TMEM132C: variants seen among roughly 807,000 people sequenced by gnomAD.
The protein encoded by TMEM132C is transmembrane protein 132C.
A neutral mutation model predicts 61.4 loss-of-function variants in TMEM132C; 29 were observed. The observed-to-expected ratio is 0.47, with a 90% CI of 0.35 to 0.64. The LOEUF is 0.64. Ranked by LOEUF, TMEM132C falls within the 30% of genes least tolerant of loss-of-function variation. The pLI is 0.00. For synonymous variants in TMEM132C, 656 were observed against 633.1 expected (o/e 1.04, Z -0.54); for missense variants, 1,408 against 1,476.9 (o/e 0.95, Z 0.76).
At chr12:128,324,307 C>A (rs755402171) in intron 1 of TMEM132C, among the ~76,000 whole-genome samples, 1 of 152,134 alleles carries the variant, frequency 6.6e-6, no homozygotes, top group Non-Finnish European at 1.5e-5. Flanking sequence ...GTATGACATG[C>A]AAACCACTAG....
At chr12:128,566,167 G>A (rs562053778) in intron 3 of TMEM132C, among the ~76,000 whole-genome samples, 2 of 135,300 alleles carry the variant, frequency 1.5e-5, no homozygotes, top group South Asian at 4.6e-4. Context: ...TAGGATTATA[G>A]GCATGAGACA....
intron 2 of TMEM132C, among the ~76,000 whole-genome samples, chr12:128,472,719 C>T (rs1475041351): frequency 2.6e-5 from 4 of 152,212 alleles, no homozygotes; most frequent in Non-Finnish European, 5.9e-5. Flanking sequence ...GGACCTCAAA[C>T]ATCTGGGGGT....
Position 128,544,108 on chromosome 12 carries a change from G to A in TMEM132C, c.1121+5G>A. 6.6e-7 allele frequency: 1 copy of A among 1,522,820 alleles called. No individual in the cohort carries two copies. Among genetic ancestry groups the A allele is most frequent in the Non-Finnish European group, 8.8e-7 (1 of 1,133,064 alleles). The allele number at this position is 1,522,820 out of a possible 1,614,324, so 94.3% of individuals were successfully genotyped here. ...GGGGCCCAGCCCACGCAACAGGTAAGCGGTGCCCTCCCTGCAAGCGTGTGT... is the reference window on the plus strand; with the variant it reads ...GGGGCCCAGCCCACGCAACAGGTAAACGGTGCCCTCCCTGCAAGCGTGTGT... On this transcript the variant is annotated splice_donor_5th_base_variant and intron_variant, in intron 3 of 8. Coordinates refer to ENST00000435159, the MANE Select transcript of TMEM132C (RefSeq NM_001136103.3).
chr12:128,381,985 A>G (rs1273044363), intron 1 of TMEM132C, among the ~76,000 whole-genome samples: 2 of 151,658 alleles, frequency 1.3e-5, no homozygotes, highest in Non-Finnish European at 2.9e-5. Context: ...GTCCCGTTGA[A>G]GACCCTTCGC....
At chr12:128,344,523 A>G (rs1873088092) in intron 1 of TMEM132C, among the ~76,000 whole-genome samples, 1 of 152,154 alleles carries the variant, frequency 6.6e-6, no homozygotes, top group East Asian at 1.9e-4. Flanking sequence ...AGGTAACTCC[A>G]TCTTTAACAT....
At chr12:128,649,523 A>T (rs1279719450) in intron 4 of TMEM132C, among the ~76,000 whole-genome samples, 1 of 152,180 alleles carries the variant, frequency 6.6e-6, no homozygotes, top group Non-Finnish European at 1.5e-5. Context: ...GGCCACTTTC[A>T]CCTCTTTCAT....
chr12:128,330,559 A>G (rs1872642850), intron 1 of TMEM132C, among the ~76,000 whole-genome samples: 1 of 152,296 alleles, frequency 6.6e-6, no homozygotes, highest in East Asian at 1.9e-4. Context: ...TCTCTAAAAA[A>G]TGTTTTTAAA....
rs1167773533 is a variant in TMEM132C at position 128,630,861 on chromosome 12, A to T, written c.1305+14526A>T. ...CATCCTGGCCAACAGGGTGAAACCCATCTCTACTAAAAATACAAAAATTAG... is the reference window on the plus strand; with the variant it reads ...CATCCTGGCCAACAGGGTGAAACCCTTCTCTACTAAAAATACAAAAATTAG... On this transcript the variant is annotated intron_variant, in intron 4 of 8. Transcript: ENST00000435159. This position sits in a 1 kb window ranked among gnomAD's most constrained non-coding sequence, Gnocchi z 4.3. Among the ~76,000 whole-genome samples the T allele has an allele frequency of 6.6e-6, 1 of 152,180 alleles. No homozygotes were observed. Among genetic ancestry groups the T allele is most frequent in the African/African-American group, 2.4e-5 (1 of 41,440 alleles).
At chr12:128,383,417 G>A (rs977553631) in intron 1 of TMEM132C, among the ~76,000 whole-genome samples, 9 of 152,176 alleles carry the variant, frequency 5.9e-5, no homozygotes, top group African/African-American at 1.9e-4. Flanking sequence ...TAAGGAGCTC[G>A]CAGCCGTGCT....
At chr12:128,429,067 G>C (rs1333437360) in intron 2 of TMEM132C, among the ~76,000 whole-genome samples, 2 of 152,204 alleles carry the variant, frequency 1.3e-5, no homozygotes, top group African/African-American at 4.8e-5. Context: ...CTCTGTAGCA[G>C]CATCTACCTT....
At chr12:128,640,105 G>T (rs1246745625) in intron 4 of TMEM132C, among the ~76,000 whole-genome samples, 1 of 152,140 alleles carries the variant, frequency 6.6e-6, no homozygotes, top group African/African-American at 2.4e-5. Flanking sequence ...GTGGGCTGGG[G>T]TTTACAATAA....
At position 128,697,405 on chromosome 12, in the gene TMEM132C, C is replaced by T. The variant is rs1454500951; in HGVS notation, c.2111C>T (p.Thr704Ile). Residue 704 changes from threonine (T) to isoleucine (I), a missense_variant, in exon 8 of 9, where the codon ACC becomes ATC. Coordinates refer to ENST00000435159, the MANE Select transcript of TMEM132C (RefSeq NM_001136103.3). ...AVVTAEEVLRTPKQEAVFSTW... is the reference protein window; with the variant it reads ...AVVTAEEVLRIPKQEAVFSTW... ...GTCACAGCTGAGGAGGTGCTGCGGA[C>T]CCCCAAACAGGTAGGGGGCCAAATG... 2 of 1,536,800 alleles carry T rather than the reference C, an allele frequency of 1.3e-6. No homozygotes were observed. The highest frequency in any genetic ancestry group is 2.5e-5 in the East Asian group (1 of 40,560).
chr12:128,392,437 A>G (rs1874797949), intron 1 of TMEM132C, among the ~76,000 whole-genome samples: 1 of 152,064 alleles, frequency 6.6e-6, no homozygotes, highest in Admixed American at 6.6e-5. Context: ...ATGGAGGAGC[A>G]CAGTGTGGTT....
At chr12:128,269,031 A>G (rs1314935863) in intron 1 of TMEM132C, among the ~76,000 whole-genome samples, 5 of 151,664 alleles carry the variant, frequency 3.3e-5, no homozygotes, top group Admixed American at 1.3e-4. Context: ...TATTTGAAAG[A>G]GTCAACAGTC....
At chr12:128,609,937 C>A (rs182531917) in intron 3 of TMEM132C, among the ~76,000 whole-genome samples, 19 of 152,340 alleles carry the variant, frequency 1.2e-4, no homozygotes, top group Non-Finnish European at 2.2e-4. Context: ...ATGCCTATTT[C>A]TCCAGTCAGC....
chr12:128,276,795 T>C (rs1870705603), intron 1 of TMEM132C, among the ~76,000 whole-genome samples: 1 of 152,168 alleles, frequency 6.6e-6, no homozygotes, highest in Admixed American at 6.5e-5. Context: ...TAGCAAGTCT[T>C]TGAGGCAACA....
At chr12:128,600,229 A>T (rs7486929) in intron 3 of TMEM132C, among the ~76,000 whole-genome samples, 1 of 151,584 alleles carries the variant, frequency 6.6e-6, no homozygotes, top group Admixed American at 6.6e-5. Context: ...TGATCTGCCC[A>T]CCTCGGCCTC....
intron 2 of TMEM132C, among the ~76,000 whole-genome samples, chr12:128,508,445 TAAC>T (rs1370212341): frequency 6.6e-6 from 1 of 152,110 alleles, no homozygotes; most frequent in Non-Finnish European, 1.5e-5. Flanking sequence ...GATGAGGAGT[TAAC>T]AACCGTTTCT....
At chr12:128,660,151 T>C (rs1398097012) in intron 4 of TMEM132C, among the ~76,000 whole-genome samples, 1 of 152,094 alleles carries the variant, frequency 6.6e-6, no homozygotes, top group Non-Finnish European at 1.5e-5. Flanking sequence ...CGGCTCCACC[T>C]CAGAGAAAAC....
Sources: gnomAD v4.1 joint callset for allele counts (sites outside exome capture counted in the v4.1 genomes callset) on GRCh38, gnomAD v4.1.1 for gene constraint, Gnocchi (gnomAD v3.1) non-coding constraint, MANE v1.5 for transcripts, NCBI Gene and HGNC (gene_info 2026-07-23, HGNC 2026-07-21) for gene names.